CEP120: variants seen among roughly 807,000 people sequenced by gnomAD.
CEP120 encodes the protein centrosomal protein of 120 kDa.
CEP120 carries 113 observed loss-of-function variants against 126.5 expected under a neutral mutation model. The ratio of observed to expected loss-of-function variants is 0.89; its 90% CI spans 0.77 to 1.04. The LOEUF is 1.04. Ranked by LOEUF, CEP120 falls within the 50% of genes least tolerant of loss-of-function variation. CEP120 has a pLI of 0.00. For synonymous variants in CEP120, 400 were observed against 394.3 expected, an observed-to-expected ratio of 1.01 and a Z score of -0.17; for missense variants, 1,230 against 1,155.7, an observed-to-expected ratio of 1.06 and a Z score of -0.93.
At chr5:123,404,069 C>T (rs1488308083) in intron 4 of CEP120, among the ~76,000 whole-genome samples, 3 of 152,144 alleles carry the variant, frequency 2.0e-5, no homozygotes, top group East Asian at 1.9e-4. Flanking sequence ...GGATATACCA[C>T]GGATATGAAG....
intron 1 of CEP120, among the ~76,000 whole-genome samples, chr5:123,419,553 C>CA (rs566909063): frequency 0.021 from 2,843 of 135,166 alleles, 55 homozygotes; most frequent in African/African-American, 0.038. Context: ...AAAACAAAAA[C>CA]AAAAAAAAAA....
rs570743883 is a variant in CEP120 at position 123,359,761 on chromosome 5, CAAAAG to C, written c.2580+4730_2580+4734del. ...GCTTACCACTGGTACGGTTGTGAAT[CAAAAG>C]AAAAGATTTTTTTCTAAATAATTAG... On this transcript the variant is annotated intron_variant, in intron 18 of 19. Coordinates refer to ENST00000306467, the MANE Select transcript of CEP120 (RefSeq NM_001375405.1). Among the ~76,000 whole-genome samples the C allele has an allele frequency of 9.9e-4, 151 of 151,938 alleles. No homozygotes were observed. In the Middle Eastern group the frequency reaches 0.014, roughly 14 times the overall value.
rs762511284 is a variant in CEP120, at chr5:123,389,953, T to C, written c.1226A>G (p.Tyr409Cys). 2 of 1,614,184 alleles carry C rather than the reference T, an allele frequency of 1.2e-6. No homozygotes were observed. Among genetic ancestry groups the C allele is most frequent in the East Asian group, 4.5e-5 (2 of 44,886 alleles). ...ATESEVESLQ[Y>C]DKDTKPNPKA... The stretch of plus-strand genomic sequence containing the variant: ...TGGATTTGGTTTGGTGTCCTTATCA[T>C]ACTGTAAACTTTCCACTTCACTTTC... The change falls in exon 8 of 20, where the codon TAT (tyrosine) becomes TGT (cysteine). Residue 409 changes from tyrosine to cysteine, a missense_variant. Coordinates refer to ENST00000306467, the MANE Select transcript of CEP120 (RefSeq NM_001375405.1).
chr5:123,349,927 A>G lies in CEP120; in HGVS notation c.2726+17T>C, dbSNP rs747649331. ...CCAAACTTTGGCTTTTGAAAGAAAC[A>G]CTTTTAGTTATTATACCTGTTCAAT... On this transcript the variant is annotated intron_variant, in intron 19 of 19. Transcript: ENST00000306467. The G allele has an allele frequency of 6.2e-7, 1 of 1,604,782 alleles. No homozygotes were observed. The highest frequency in any genetic ancestry group is 8.5e-7 in the Non-Finnish European group (1 of 1,176,722).
chr5:123,365,040 AT>A (rs1770357604), intron 17 of CEP120, among the ~76,000 whole-genome samples: 1 of 151,632 alleles, frequency 6.6e-6, no homozygotes, highest in Non-Finnish European at 1.5e-5. Flanking sequence ...GCCAGTAGAG[AT>A]GCTTTTATAA....
intron 7 of CEP120, 23 bp downstream of exon 7, chr5:123,391,087 A>T: frequency 2.5e-6 from 4 of 1,570,308 alleles, no homozygotes; most frequent in Non-Finnish European, 3.5e-6. Flanking sequence ...AAGCCAGGGG[A>T]ATGAAGGAGG....
intron 2 of CEP120, 105 bp downstream of exon 2, chr5:123,418,254 G>C: frequency 9.3e-7 from 1 of 1,079,768 alleles, no homozygotes; most frequent in Non-Finnish European, 1.3e-6. Context: ...CCAAAAATCC[G>C]AAAATACTTC....
intron 18 of CEP120, among the ~76,000 whole-genome samples, chr5:123,350,431 G>GT: frequency 6.6e-6 from 1 of 152,238 alleles, no homozygotes. Context: ...ACCCAGCTAG[G>GT]TTTTCTCTAA....
chr5:123,348,178 T>C (rs1345127853), intron 19 of CEP120, among the ~76,000 whole-genome samples: 3 of 152,230 alleles, frequency 2.0e-5, no homozygotes, highest in Non-Finnish European at 4.4e-5. Flanking sequence ...ATTTTTCTTA[T>C]AGCTTATACA....
chr5:123,359,112 C>G (rs1386748214), intron 18 of CEP120, among the ~76,000 whole-genome samples: 4 of 152,030 alleles, frequency 2.6e-5, no homozygotes, highest in Non-Finnish European at 5.9e-5. Flanking sequence ...ATTAATTACT[C>G]AGAGTGGATA....
rs928176523 is a variant in CEP120 at position 123,366,470 on chromosome 5, C to A, written c.2482-1876G>T. 2.0e-5 allele frequency among the ~76,000 whole-genome samples: 3 copies of A among 151,896 alleles called. No homozygotes were observed. In the South Asian group the frequency reaches 6.2e-4, roughly 32 times the overall value. ...ACTCAAAGCATAGATTAAAATTCAC[C>A]GGTTTCCAATCTCCCTATTTCTACT... On this transcript the variant is annotated intron_variant, in intron 17 of 19. Coordinates refer to ENST00000306467, the MANE Select transcript of CEP120 (RefSeq NM_001375405.1).
In CEP120 at chr5:123,400,763, G is replaced by C. The variant is rs530857346; in HGVS notation, c.464-1479C>G. On this transcript the variant is annotated intron_variant, in intron 4 of 19. Coordinates refer to ENST00000306467, the MANE Select transcript of CEP120 (RefSeq NM_001375405.1). The stretch of plus-strand genomic sequence containing the variant: ...TAGCTGGAGGCATGGGCAAAGGGGG[G>C]GTCCCCAGGCAGTAAACTCCCCCGC... Among the ~76,000 whole-genome samples the C allele has an allele frequency of 2.1e-3, 321 of 151,366 alleles. 1 individual carries two copies. The highest frequency in any genetic ancestry group is 3.0e-3 in the Admixed American group (46 of 15,218).
chr5:123,395,071 T>C (rs1772685052), intron 5 of CEP120, among the ~76,000 whole-genome samples: 1 of 152,146 alleles, frequency 6.6e-6, no homozygotes, highest in Non-Finnish European at 1.5e-5. Flanking sequence ...TAGAGAAGAT[T>C]TTCATTTTCT....
intron 18 of CEP120, among the ~76,000 whole-genome samples, chr5:123,362,816 A>T (rs561218807): frequency 4.7e-4 from 72 of 151,786 alleles, no homozygotes; most frequent in African/African-American, 1.7e-3. Context: ...TTTAAGCCCA[A>T]TCATTCTCCC....
rs780022174 is a variant in CEP120 at position 123,377,375 on chromosome 5, T to C, written c.2357A>G (p.Gln786Arg). The change falls in exon 16 of 20, where the codon CAG becomes CGG. Residue 786 changes from glutamine (Q) to arginine (R), a missense_variant and splice_region_variant. By Grantham distance (43) the Gln-to-Arg change is conservative (BLOSUM62 1). Transcript: ENST00000306467. Reference sequence around the variant, plus strand: ...AAGATGACAAGTACGTTATCCAACCTGTTGCTGAAGGCGGTGTTTATCCTC... The same window carrying C: ...AAGATGACAAGTACGTTATCCAACCCGTTGCTGAAGGCGGTGTTTATCCTC... The part of the protein sequence containing the change: ...LEEDKHRLQQ[Q>R]LNDAENKYKI... The C allele has an allele frequency of 1.2e-6, 2 of 1,606,570 alleles. No homozygotes were observed. The highest frequency in any genetic ancestry group is 2.2e-5 in the East Asian group (1 of 44,742).
chr5:123,350,201 C>A (rs935029333), intron 18 of CEP120, 112 bp from the exon 19 acceptor site: 4 of 912,322 alleles, frequency 4.4e-6, no homozygotes, highest in Non-Finnish European at 6.3e-6. Context: ...TATAGCCACA[C>A]ACTGCCAATT....
In CEP120 at chr5:123,398,159, TATTA is replaced by T. The variant is rs1474272551; in HGVS notation, c.612+973_612+976del. 3.9e-5 allele frequency among the ~76,000 whole-genome samples: 6 copies of T among 152,178 alleles called. No individual in the cohort carries two copies. In the East Asian group the frequency reaches 1.2e-3, roughly 29 times the overall value. ...AAACCATATTATCTATTTTTGTAAGTATTAATTCATTTCAGCTACTACAGAACAA... is the reference window on the plus strand; with the variant it reads ...AAACCATATTATCTATTTTTGTAAGTATTCATTTCAGCTACTACAGAACAA... On this transcript the variant is annotated intron_variant, in intron 5 of 19. Coordinates refer to ENST00000306467, the MANE Select transcript of CEP120 (RefSeq NM_001375405.1).
At chr5:123,381,467 T>C (rs1354088400) in intron 14 of CEP120, among the ~76,000 whole-genome samples, 1 of 152,108 alleles carries the variant, frequency 6.6e-6, no homozygotes, top group Admixed American at 6.6e-5. Flanking sequence ...AGTCCTAAAA[T>C]TATTAATAGA....
chr5:123,388,656 C>A (rs1772183350), intron 8 of CEP120, 50 bp from the exon 9 acceptor site: 1 of 1,400,330 alleles, frequency 7.1e-7, no homozygotes, highest in Non-Finnish European at 9.5e-7. Context: ...CTAACAGTTT[C>A]TCTTAAATTG....
Sources: allele counts gnomAD v4.1 joint callset (sites outside exome capture counted in the v4.1 genomes callset), GRCh38; gene constraint gnomAD v4.1.1; transcripts MANE v1.5; gene names NCBI Gene and HGNC (gene_info 2026-07-23, HGNC 2026-07-21).